The following TCERG1 variants were observed in gnomAD, a reference collection of about 807,000 sequenced individuals.
TCERG1 encodes the protein transcription elongation regulator 1, also known as TATA box binding protein (TBP)-associated factor, RNA polymerase II, S, 150kD.
TCERG1 carries 37 observed loss-of-function variants against 144.7 expected under a neutral mutation model. That is an observed-to-expected ratio of 0.26 (90% CI 0.20 to 0.34). TCERG1 has a LOEUF of 0.34. Ranked by LOEUF, TCERG1 falls within the 10% of genes least tolerant of loss-of-function variation. The pLI is 1.00. For synonymous variants in TCERG1, 492 were observed against 458.2 expected (o/e 1.07, Z -0.94); for missense variants, 1,027 against 1,380.7 (o/e 0.74, Z 4.06).
intron 10 of TCERG1, among the ~76,000 whole-genome samples, chr5:146,479,117 TTA>T (rs1472997853): frequency 2.0e-5 from 3 of 152,164 alleles, no homozygotes; most frequent in African/African-American, 7.2e-5. Flanking sequence ...TACTAAGAGA[TTA>T]TCTTTTAATC....
intron 15 of TCERG1, among the ~76,000 whole-genome samples, chr5:146,489,985 C>T (rs1766238298): frequency 1.3e-5 from 2 of 152,066 alleles, no homozygotes; most frequent in South Asian, 2.1e-4. Flanking sequence ...AGAGGGAATA[C>T]GAAGTTCTTT....
intron 12 of TCERG1, chr5:146,480,630 G>A (rs11554572): frequency 0.18 from 27,023 of 152,188 alleles, 3,662 homozygotes; most frequent in East Asian, 0.78. Flanking sequence ...TATGGCGGGG[G>A]GAAGGATGGG....
chr5:146,454,711 C>T (rs1762676683), intron 1 of TCERG1, among the ~76,000 whole-genome samples: 1 of 152,134 alleles, frequency 6.6e-6, no homozygotes. Flanking sequence ...GATTCTCCTG[C>T]CTCAGCCTCC....
Position 146,507,380 on chromosome 5 carries a change from T to C in TCERG1, c.2961+173T>C. ...TATGGTATTCTTATTTATTTAGAAA[T>C]GCCTATTCTTTGCAGTTTTCACATT... is the stretch of plus-strand genomic sequence containing the variant. On this transcript the variant is annotated intron_variant, in intron 20 of 22. Coordinates refer to ENST00000679501, the MANE Select transcript of TCERG1 (RefSeq NM_001382548.1). The surrounding 1 kb of genome is among the most constrained non-coding windows in gnomAD (Gnocchi z 4.6). 1.6e-6 allele frequency: 1 copy of C among 606,996 alleles called. No individual in the cohort carries two copies. Among genetic ancestry groups the C allele is most frequent in the East Asian group, 3.1e-5 (1 of 31,966 alleles). 37.6% of individuals were successfully genotyped at this position (606,996 alleles called of 1,614,324 possible).
At chr5:146,475,562 G>T (rs1170320243) in intron 9 of TCERG1, among the ~76,000 whole-genome samples, 1 of 152,032 alleles carries the variant, frequency 6.6e-6, no homozygotes, top group Non-Finnish European at 1.5e-5. Flanking sequence ...AAAAACTCTG[G>T]CCAAGATTGA....
intron 9 of TCERG1, among the ~76,000 whole-genome samples, chr5:146,472,091 A>G (rs1357386614): frequency 6.6e-6 from 1 of 152,182 alleles, no homozygotes; most frequent in African/African-American, 2.4e-5. Flanking sequence ...ATTAATGTGT[A>G]TTCTTCATAA....
At chr5:146,477,335 T>C (rs1273478082) in intron 9 of TCERG1, among the ~76,000 whole-genome samples, 5 of 152,194 alleles carry the variant, frequency 3.3e-5, no homozygotes, top group African/African-American at 1.2e-4. Context: ...GTAAGTTACC[T>C]TGGACTTGAC....
chr5:146,458,903 G>A lies in TCERG1; in HGVS notation c.458G>A (p.Arg153Gln), dbSNP rs1299277578. Residue 153 changes from arginine (R) to glutamine (Q), a missense_variant, in exon 4 of 23, where the codon CGG (arginine) becomes CAG (glutamine). This residue lies in a region of TCERG1 where 48 missense variants were observed against 80.9 expected (regional missense o/e 0.59). Transcript: ENST00000679501. ...PDGKVYYYNA[R>Q]TRESAWTKPD... ...CTGCAGGTTTATTATTATAATGCTC[G>A]GACACGTGAATCTGCATGGACCAAG... 2.5e-6 allele frequency: 4 copies of A among 1,609,870 alleles called. No individual in the cohort carries two copies. The highest frequency in any genetic ancestry group is 2.2e-5 in the East Asian group (1 of 44,776).
rs1225177117 is a variant in TCERG1 at position 146,510,594 on chromosome 5, A to T, written c.3300A>T (p.Pro1100=). Residue 1100 remains proline (P), a synonymous_variant, in exon 23 of 23, where the codon CCA becomes CCT. Coordinates refer to ENST00000679501, the MANE Select transcript of TCERG1 (RefSeq NM_001382548.1). The stretch of plus-strand genomic sequence containing the variant: ...TTGATGACCTGGATCGCCGGGGTCC[A>T]CCCCCACCTCCCACAGCATCGGAGC... The part of the protein sequence containing the change: ...AYVDDLDRRG[P]PPPPTASEPT... 1.2e-5 allele frequency: 20 copies of T among 1,613,934 alleles called. No individual in the cohort carries two copies. The highest frequency in any genetic ancestry group is 1.7e-5 in the Non-Finnish European group (20 of 1,180,018).
chr5:146,507,978 A>T lies in TCERG1; in HGVS notation c.3045+22A>T, dbSNP rs773500244. The T allele has an allele frequency of 1.3e-6, 2 of 1,560,566 alleles. No individual in the cohort carries two copies. The highest frequency in any genetic ancestry group is 1.8e-5 in the Admixed American group (1 of 57,088). On this transcript the variant is annotated intron_variant, in intron 21 of 22. Coordinates refer to ENST00000679501, the MANE Select transcript of TCERG1 (RefSeq NM_001382548.1). This position sits in a 1 kb window ranked among gnomAD's most constrained non-coding sequence, Gnocchi z 4.6. The stretch of plus-strand genomic sequence containing the variant: ...CAGGGTAAGAGGATTTTGTGTCGAG[A>T]TTTACTGTCAGTCTATAAATACTTA...
rs77886417 is a variant in TCERG1, at chr5:146,492,035, T to C, written c.2164-885T>C. 8.0e-3 allele frequency among the ~76,000 whole-genome samples: 1,213 copies of C among 152,334 alleles called. 6 individuals carry two copies. Among genetic ancestry groups the C allele is most frequent in the Non-Finnish European group, 0.014 (941 of 68,026 alleles). On this transcript the variant is annotated intron_variant, in intron 15 of 22. Transcript: ENST00000679501. ...AGGCCATAGTTTGCCAATTATTTGCTTTGGAATAGTCACTTGCCTTTTACA... is the reference window on the plus strand; with the variant it reads ...AGGCCATAGTTTGCCAATTATTTGCCTTGGAATAGTCACTTGCCTTTTACA...
chr5:146,505,812 C>CT (rs1359680764), intron 19 of TCERG1, among the ~76,000 whole-genome samples: 1 of 152,146 alleles, frequency 6.6e-6, no homozygotes, highest in Admixed American at 6.5e-5. Context: ...GAGTCTCACT[C>CT]TGTCACCCAG....
intron 17 of TCERG1, among the ~76,000 whole-genome samples, chr5:146,502,150 C>T (rs928132528): frequency 6.6e-6 from 1 of 152,130 alleles, no homozygotes; most frequent in Non-Finnish European, 1.5e-5. Context: ...CCCACCTCAG[C>T]CTCCCAAACT....
rs572766374 is a variant in TCERG1 at position 146,464,717 on chromosome 5, A to G, written c.1135+924A>G. 9.2e-5 allele frequency among the ~76,000 whole-genome samples: 14 copies of G among 152,326 alleles called. No homozygotes were observed. In the South Asian group the frequency reaches 1.9e-3, roughly 20 times the overall value. Reference sequence around the variant, plus strand: ...CAGGTTCACAGGGCTAGTTTGTAGCAAAGATGAATAGAACTTAGGCCTCTT... The same window carrying G: ...CAGGTTCACAGGGCTAGTTTGTAGCGAAGATGAATAGAACTTAGGCCTCTT... On this transcript the variant is annotated intron_variant, in intron 5 of 22. Transcript: ENST00000679501.
At chr5:146,452,377 G>A (rs1359014445) in intron 1 of TCERG1, among the ~76,000 whole-genome samples, 1 of 152,162 alleles carries the variant, frequency 6.6e-6, no homozygotes, top group African/African-American at 2.4e-5. Flanking sequence ...GGGTGGAATT[G>A]TAAAAATAAT....
Position 146,510,741 on chromosome 5 carries a change from C to A in TCERG1, c.*99C>A. 1 of 1,126,666 alleles carries A rather than the reference C, an allele frequency of 8.9e-7. No homozygotes were observed. Among genetic ancestry groups the A allele is most frequent in the Non-Finnish European group, 1.2e-6 (1 of 812,982 alleles). The allele number at this position is 1,126,666 out of a possible 1,614,324, so 69.8% of individuals were successfully genotyped here. On this transcript the variant is annotated 3_prime_UTR_variant, in exon 23 of 23. Coordinates refer to ENST00000679501, the MANE Select transcript of TCERG1 (RefSeq NM_001382548.1). The stretch of plus-strand genomic sequence containing the variant: ...GTGCATTAGTCAACCTATTGCGAAA[C>A]CATCTGACAAACAGAAGGAGAAGCA...
rs373824666 is a variant in TCERG1 at position 146,471,589 on chromosome 5, C to T, written c.1601+13C>T. The T allele has an allele frequency of 8.1e-6, 13 of 1,598,402 alleles. No homozygotes were observed. The highest frequency in any genetic ancestry group is 1.4e-5 in the African/African-American group (1 of 73,234). Reference sequence around the variant, plus strand: ...CTGGTACTCCATGGTATGTATTTGGCTCAAGTAGTAATTTTTTTTTTTTTT... The same window carrying T: ...CTGGTACTCCATGGTATGTATTTGGTTCAAGTAGTAATTTTTTTTTTTTTT... On this transcript the variant is annotated intron_variant, in intron 9 of 22. Coordinates refer to ENST00000679501, the MANE Select transcript of TCERG1 (RefSeq NM_001382548.1).
chr5:146,494,252 C>T (rs1766678748), intron 16 of TCERG1, among the ~76,000 whole-genome samples: 1 of 152,014 alleles, frequency 6.6e-6, no homozygotes, highest in Non-Finnish European at 1.5e-5. Context: ...TAGTAATTTT[C>T]TTGGGTATTG....
chr5:146,475,632 T>G (rs528749470), intron 9 of TCERG1, among the ~76,000 whole-genome samples: 9 of 152,300 alleles, frequency 5.9e-5, no homozygotes, highest in South Asian at 4.1e-4. Flanking sequence ...CAAATTTTTT[T>G]TGTGAAAAAT....
Sources: allele counts gnomAD v4.1 joint callset (sites outside exome capture counted in the v4.1 genomes callset), GRCh38; gene constraint gnomAD v4.1.1; regional missense constraint gnomAD v4.1.1; non-coding constraint Gnocchi (gnomAD v3.1); transcripts MANE v1.5; gene names NCBI Gene and HGNC (gene_info 2026-07-23, HGNC 2026-07-21).